Variants in THRB observed in about 807,000 individuals in gnomAD.
The protein encoded by THRB is thyroid hormone receptor beta, also known as nuclear receptor subfamily 1 group A member 2.
In THRB, 12 loss-of-function variants were observed where a neutral mutation model predicts 47.8. The ratio of observed to expected loss-of-function variants is 0.25; its 90% CI spans 0.16 to 0.41. The LOEUF (loss-of-function observed/expected upper bound fraction) is 0.41, where lower values mean the gene tolerates loss of function less well. Ranked by LOEUF, THRB falls within the 10% of genes least tolerant of loss-of-function variation. The probability of loss-of-function intolerance (pLI) is 1.00; values close to 1 mark genes in which losing one functional copy is unlikely to be tolerated. For missense variants in THRB, 348 were observed against 589.2 expected (o/e 0.59, Z 4.24); for synonymous variants, 218 against 212.2 (o/e 1.03, Z -0.24).
intron 1 of THRB, among the ~76,000 whole-genome samples, chr3:24,442,303 G>A (rs9831450): frequency 0.6 from 91,462 of 152,004 alleles, 28,087 homozygotes; most frequent in Admixed American, 0.62. Context: ...CCTCACAATC[G>A]GATGAGGAAA....
At chr3:24,145,573 T>G (rs1434928841) in intron 7 of THRB, among the ~76,000 whole-genome samples, 1 of 151,378 alleles carries the variant, frequency 6.6e-6, no homozygotes. Flanking sequence ...CTTTAAGAGA[T>G]AAAGATAAAG....
chr3:24,345,049 G>A (rs2062922835), intron 1 of THRB, among the ~76,000 whole-genome samples: 1 of 152,082 alleles, frequency 6.6e-6, no homozygotes, highest in East Asian at 1.9e-4. Context: ...GCCAATTTTT[G>A]TAGTTTGTGG....
chr3:24,322,636 T>G (rs374910807), intron 2 of THRB, among the ~76,000 whole-genome samples: 1 of 152,244 alleles, frequency 6.6e-6, no homozygotes, highest in Non-Finnish European at 1.5e-5. Flanking sequence ...AACTGAAAGC[T>G]GATTCCTTCA....
chr3:24,459,110 G>T (rs909212978), intron 1 of THRB: 3 of 151,800 alleles, frequency 2.0e-5, no homozygotes, highest in African/African-American at 7.3e-5. Context: ...CCTTCCTTAG[G>T]CCCCCACCCC....
At chr3:24,381,378 T>C (rs1037130367) in intron 1 of THRB, among the ~76,000 whole-genome samples, 1 of 152,134 alleles carries the variant, frequency 6.6e-6, no homozygotes, top group African/African-American at 2.4e-5. Context: ...ATCTTCCAAA[T>C]GCCCTGCAAT....
At chr3:24,133,770 G>C (rs72619913) in intron 8 of THRB, among the ~76,000 whole-genome samples, 1 of 152,110 alleles carries the variant, frequency 6.6e-6, no homozygotes, top group Non-Finnish European at 1.5e-5. Flanking sequence ...TGCACAAAGG[G>C]TGTATACTTA....
intron 1 of THRB, among the ~76,000 whole-genome samples, chr3:24,442,016 A>G (rs1466349327): frequency 6.6e-6 from 1 of 152,166 alleles, no homozygotes; most frequent in Non-Finnish European, 1.5e-5. Flanking sequence ...GAACAGATTA[A>G]CTGTAACTTT....
chr3:24,264,156 T>A (rs1025804658), intron 3 of THRB, among the ~76,000 whole-genome samples: 1 of 152,134 alleles, frequency 6.6e-6, no homozygotes, highest in African/African-American at 2.4e-5. Flanking sequence ...CCTCACTCAC[T>A]CCATTCTAGT....
At chr3:24,248,092 G>C (rs1249250926) in intron 3 of THRB, among the ~76,000 whole-genome samples, 1 of 151,970 alleles carries the variant, frequency 6.6e-6, no homozygotes, top group Non-Finnish European at 1.5e-5. Flanking sequence ...AAGGTTACAT[G>C]GTTTCTCAGA....
intron 1 of THRB, among the ~76,000 whole-genome samples, chr3:24,451,808 T>C (rs558379832): frequency 2.6e-5 from 4 of 152,364 alleles, no homozygotes; most frequent in East Asian, 1.9e-4. Context: ...CAGCCTTTAA[T>C]AGAGCATTGG....
At chr3:24,289,545 G>A (rs927256603) in intron 3 of THRB, among the ~76,000 whole-genome samples, 1 of 151,496 alleles carries the variant, frequency 6.6e-6, no homozygotes, top group Non-Finnish European at 1.5e-5. Context: ...TTCTTTTTTT[G>A]GAGTTGAGGA....
intron 1 of THRB, among the ~76,000 whole-genome samples, chr3:24,463,572 A>T (rs1004587031): frequency 6.6e-6 from 1 of 152,210 alleles, no homozygotes; most frequent in South Asian, 2.1e-4. Flanking sequence ...TTTGATAATA[A>T]TCTTTCAAAG....
At chr3:24,274,011 A>T (rs6802966) in intron 3 of THRB, among the ~76,000 whole-genome samples, 1 of 151,916 alleles carries the variant, frequency 6.6e-6, no homozygotes, top group Non-Finnish European at 1.5e-5. Flanking sequence ...TTTTCAGATA[A>T]CTTTATTTAG....
intron 1 of THRB, among the ~76,000 whole-genome samples, chr3:24,475,079 C>A (rs1695249885): frequency 6.6e-6 from 1 of 152,108 alleles, no homozygotes; most frequent in Non-Finnish European, 1.5e-5. Flanking sequence ...CCTCAAAATT[C>A]TTCATGTTCT....
chr3:24,311,845 C>T (rs2057780453), intron 2 of THRB, among the ~76,000 whole-genome samples: 1 of 152,214 alleles, frequency 6.6e-6, no homozygotes, highest in Non-Finnish European at 1.5e-5. Flanking sequence ...CTGTCTACAA[C>T]ACGTATGTAA....
intron 1 of THRB, among the ~76,000 whole-genome samples, chr3:24,381,663 C>T (rs147775282): frequency 5.4e-4 from 82 of 152,190 alleles, no homozygotes; most frequent in Middle Eastern, 3.4e-3. Flanking sequence ...ACATAGATCC[C>T]GGTATAAAAT....
intron 2 of THRB, among the ~76,000 whole-genome samples, chr3:24,320,063 T>A (rs2149283098): frequency 6.6e-6 from 1 of 152,322 alleles, no homozygotes; most frequent in East Asian, 1.9e-4. Context: ...AGTCATATAC[T>A]TTCAGTCAAG....
chr3:24,122,688 C>G lies in THRB; in HGVS notation c.*196G>C. 1.4e-6 allele frequency: 1 copy of G among 692,136 alleles called. No homozygotes were observed. Among genetic ancestry groups the G allele is most frequent in the East Asian group, 2.8e-5 (1 of 35,996 alleles). 42.9% of individuals were successfully genotyped at this position (692,136 alleles called of 1,614,324 possible). Reference sequence around the variant, plus strand: ...CTTCAGAGCATTCACATCACAGGACCGGAGAACGAAATGCAATAGTTTCAA... The same window carrying G: ...CTTCAGAGCATTCACATCACAGGACGGGAGAACGAAATGCAATAGTTTCAA... On this transcript the variant is annotated 3_prime_UTR_variant, in exon 11 of 11. Transcript: ENST00000646209.
intron 4 of THRB, among the ~76,000 whole-genome samples, chr3:24,203,138 C>T (rs768173862): frequency 1.6e-4 from 25 of 152,204 alleles, no homozygotes; most frequent in East Asian, 3.8e-4. Context: ...CCCAGCCGGG[C>T]GCAGTGGCTC....
Sources: allele counts gnomAD v4.1 joint callset (sites outside exome capture counted in the v4.1 genomes callset), GRCh38; gene constraint gnomAD v4.1.1; transcripts MANE v1.5; gene names NCBI Gene and HGNC (gene_info 2026-07-23, HGNC 2026-07-21).